ABCD2: variants seen among roughly 807,000 people sequenced by gnomAD.
ABCD2 encodes ATP-binding cassette sub-family D member 2.
In ABCD2, 36 loss-of-function variants were observed where a neutral mutation model predicts 70.9. The observed-to-expected ratio is 0.51, with a 90% confidence interval of 0.39 to 0.67. The LOEUF is 0.67. Ranked by LOEUF, ABCD2 falls within the 30% of genes least tolerant of loss-of-function variation. ABCD2 has a pLI of 0.00. For missense variants in ABCD2, 729 were observed against 890.2 expected, an observed-to-expected ratio of 0.82 and a Z score of 2.30; for synonymous variants, 304 against 306.9, an observed-to-expected ratio of 0.99 and a Z score of 0.10.
In ABCD2 at chr12:39,550,520, T is replaced by G. The variant is rs1327217034; in HGVS notation, c.*3392A>C. 6.6e-6 allele frequency: 1 copy of G among 151,814 alleles called. No homozygotes were observed. The highest frequency in any genetic ancestry group is 1.5e-5 in the Non-Finnish European group (1 of 67,724). The allele number at this position is 151,814 out of a possible 1,614,324, so 9.4% of individuals were successfully genotyped here. On this transcript the variant is annotated 3_prime_UTR_variant, in exon 10 of 10. Coordinates refer to ENST00000308666, the MANE Select transcript of ABCD2 (RefSeq NM_005164.4). Reference sequence around the variant, plus strand: ...TTTGAAAATTTCACAATATGAAATGTAAACCAGCCCTGAACTTGGTAGTCA... The same window carrying G: ...TTTGAAAATTTCACAATATGAAATGGAAACCAGCCCTGAACTTGGTAGTCA...
At chr12:39,566,758 G>A (rs1444344664) in intron 9 of ABCD2, among the ~76,000 whole-genome samples, 5 of 152,098 alleles carry the variant, frequency 3.3e-5, no homozygotes, top group Admixed American at 3.3e-4. Context: ...GCTTTCTGTT[G>A]TGGGCATTTA....
At chr12:39,615,426 T>C (rs1942102782) in intron 2 of ABCD2, among the ~76,000 whole-genome samples, 2 of 152,070 alleles carry the variant, frequency 1.3e-5, no homozygotes, top group South Asian at 4.1e-4. Flanking sequence ...TAATACTCTT[T>C]TGAAAAAGTA....
downstream of ABCD2, among the ~76,000 whole-genome samples, chr12:39,546,595 T>G (rs1217821652): frequency 6.6e-6 from 1 of 152,096 alleles, no homozygotes; most frequent in Non-Finnish European, 1.5e-5. Context: ...TATTTTAGAT[T>G]GAATAGTCTG....
At chr12:39,532,071 G>A in the ABCD2 span, among the ~76,000 whole-genome samples, 1 of 152,216 alleles carries the variant, frequency 6.6e-6, no homozygotes, top group Non-Finnish European at 1.5e-5. Context: ...CTGAGAAATA[G>A]AAGTGTAGAA....
intron 9 of ABCD2, among the ~76,000 whole-genome samples, chr12:39,563,992 G>GT (rs1941301906): frequency 6.6e-6 from 1 of 152,186 alleles, no homozygotes; most frequent in South Asian, 2.1e-4. Flanking sequence ...ATTCCATGGT[G>GT]TATATGTGCC....
downstream of ABCD2, among the ~76,000 whole-genome samples, chr12:39,548,412 A>G (rs184540034): frequency 5.4e-4 from 82 of 152,146 alleles, no homozygotes; most frequent in Non-Finnish European, 5.1e-4. Context: ...TCATTTATCT[A>G]TACCCTACCT....
At chr12:39,573,593 G>T in intron 9 of ABCD2, 123 bp downstream of exon 9, 3 of 1,063,672 alleles carry the variant, frequency 2.8e-6, no homozygotes. Flanking sequence ...TGCAACTTAA[G>T]AGAAATATGG....
Position 39,586,163 on chromosome 12 carries a change from T to C in ABCD2, c.1781A>G (p.Gln594Arg). The change falls in exon 7 of 10, where the codon CAA becomes CGA. Residue 594 changes from glutamine to arginine, a missense_variant. Physicochemically the swap from Gln to Arg is conservative, Grantham distance 43 (BLOSUM62 1). Transcript: ENST00000308666. ...ATGATAGACTTTACCTCCTTCTCTTTGAACTATGTGATAGAGATGGACATT... is the reference window on the plus strand; with the variant it reads ...ATGATAGACTTTACCTCCTTCTCTTCGAACTATGTGATAGAGATGGACATT... ...LHNVHLYHIV[Q>R]REGGWDAVMD... The C allele has an allele frequency of 6.2e-7, 1 of 1,610,228 alleles. No homozygotes were observed. Among genetic ancestry groups the C allele is most frequent in the South Asian group, 1.1e-5 (1 of 90,046 alleles).
rs528812830 is a variant in ABCD2 at position 39,576,073 on chromosome 12, G to A, written c.1878-2232C>T. The stretch of plus-strand genomic sequence containing the variant: ...TTTCTATGCTGGTGATCATATTACT[G>A]GGTACTTATGGCCTAGACCCAAACA... On this transcript the variant is annotated intron_variant, in intron 8 of 9. Coordinates refer to ENST00000308666, the MANE Select transcript of ABCD2 (RefSeq NM_005164.4). Among the ~76,000 whole-genome samples, 3 of 152,262 alleles carry A rather than the reference G, an allele frequency of 2.0e-5. No individual in the cohort carries two copies. In the East Asian group the frequency reaches 5.8e-4, roughly 29 times the overall value.
At chr12:39,568,832 T>C (rs1055866618) in intron 9 of ABCD2, among the ~76,000 whole-genome samples, 1 of 152,206 alleles carries the variant, frequency 6.6e-6, no homozygotes, top group African/African-American at 2.4e-5. Context: ...TGTTTGTTAG[T>C]TTTCCTGCTA....
chr12:39,568,648 A>G (rs1452302996), intron 9 of ABCD2, among the ~76,000 whole-genome samples: 1 of 152,094 alleles, frequency 6.6e-6, no homozygotes, highest in Non-Finnish European at 1.5e-5. Flanking sequence ...TTTTCCATCC[A>G]GCTTTGTTCC....
chr12:39,587,987 G>C (rs1263179474), intron 6 of ABCD2, among the ~76,000 whole-genome samples: 1 of 152,106 alleles, frequency 6.6e-6, no homozygotes, highest in Non-Finnish European at 1.5e-5. Context: ...TGATATAGGG[G>C]TAGCAATTCT....
intron 6 of ABCD2, among the ~76,000 whole-genome samples, chr12:39,591,391 A>G (rs1387551703): frequency 6.6e-6 from 1 of 152,156 alleles, no homozygotes; most frequent in African/African-American, 2.4e-5. Context: ...TCTTAAGAGC[A>G]GGGATGAGGT....
chr12:39,562,277 A>G (rs1941271390), intron 9 of ABCD2, among the ~76,000 whole-genome samples: 1 of 152,092 alleles, frequency 6.6e-6, no homozygotes. Context: ...TTGTAGGTCA[A>G]GGAACTGGAA....
the ABCD2 span, among the ~76,000 whole-genome samples, chr12:39,531,725 A>G: frequency 5.9e-5 from 9 of 152,228 alleles, no homozygotes; most frequent in Non-Finnish European, 1.2e-4. Flanking sequence ...GGGTGGAATC[A>G]TGCTTTTTTG....
intron 6 of ABCD2, among the ~76,000 whole-genome samples, chr12:39,589,693 G>A (rs1027054075): frequency 3.3e-5 from 5 of 151,932 alleles, no homozygotes; most frequent in Admixed American, 1.3e-4. Context: ...AGCCCTATCT[G>A]AGCTATTGTT....
At chr12:39,549,375 AT>A (rs1941057896), downstream of ABCD2, among the ~76,000 whole-genome samples, 1 of 151,992 alleles carries the variant, frequency 6.6e-6, no homozygotes, top group African/African-American at 2.4e-5. Flanking sequence ...TCTAACTGGC[AT>A]ACATTTGTTT....
Position 39,553,871 on chromosome 12 carries a change from C to A in ABCD2, c.*41G>T, listed in dbSNP as rs185380154. ...TGCAGTATAACAGAATGTCTTTGAG[C>A]CTTTATCTAATAATTAACTTTTAAA... On this transcript the variant is annotated 3_prime_UTR_variant, in exon 10 of 10. Transcript: ENST00000308666. 19 of 1,437,160 alleles carry A rather than the reference C, an allele frequency of 1.3e-5. No individual in the cohort carries two copies. Among genetic ancestry groups the A allele is most frequent in the Non-Finnish European group, 1.6e-5 (17 of 1,047,768 alleles). The allele number at this position is 1,437,160 out of a possible 1,614,324, so 89.0% of individuals were successfully genotyped here. A position where few individuals can be genotyped will look rare whatever the true frequency, so the allele number is the denominator to read the frequency against.
At chr12:39,570,413 G>T (rs1175373162) in intron 9 of ABCD2, among the ~76,000 whole-genome samples, 2 of 152,092 alleles carry the variant, frequency 1.3e-5, no homozygotes, top group African/African-American at 4.8e-5. Context: ...ATAGAATAGA[G>T]AACCCAGAAA....
Sources: allele counts gnomAD v4.1 joint callset (sites outside exome capture counted in the v4.1 genomes callset), GRCh38; gene constraint gnomAD v4.1.1; transcripts MANE v1.5; gene names NCBI Gene and HGNC (gene_info 2026-07-23, HGNC 2026-07-21).